XPR1: variants seen among roughly 807,000 people sequenced by gnomAD.
XPR1 encodes the protein solute carrier family 53 member 1.
In XPR1, 28 loss-of-function variants were observed where a neutral mutation model predicts 87.5. The ratio of observed to expected loss-of-function variants is 0.32; its 90% CI spans 0.24 to 0.44. The LOEUF is 0.44. Among genes scored for constraint, XPR1 ranks in the 20% least tolerant of loss-of-function variants. The pLI is 1.00. For missense variants in XPR1, 559 were observed against 862.3 expected (o/e 0.65, Z 4.41); for synonymous variants, 300 against 306.1 (o/e 0.98, Z 0.21).
chr1:180,790,323 A>G (rs1649324452), intron 3 of XPR1, among the ~76,000 whole-genome samples: 1 of 151,988 alleles, frequency 6.6e-6, no homozygotes, highest in South Asian at 2.1e-4. Flanking sequence ...TTCCCTTTAT[A>G]CCAATTCAAT....
chr1:180,744,071 CTAT>C (rs1659004360), intron 2 of XPR1, among the ~76,000 whole-genome samples: 1 of 152,162 alleles, frequency 6.6e-6, no homozygotes, highest in South Asian at 2.1e-4. Context: ...GTACTGCATT[CTAT>C]TTCTTTTCCT....
chr1:180,706,666 CAG>C (rs1657567685), intron 2 of XPR1, among the ~76,000 whole-genome samples: 1 of 151,810 alleles, frequency 6.6e-6, no homozygotes, highest in African/African-American at 2.4e-5. Flanking sequence ...GGCTGGAGTG[CAG>C]TGGCATGATC....
chr1:180,717,516 A>G (rs912159709), intron 2 of XPR1, among the ~76,000 whole-genome samples: 6 of 152,166 alleles, frequency 3.9e-5, no homozygotes, highest in Non-Finnish European at 7.4e-5. Context: ...TTTTCTGAAC[A>G]TGTACCTCAG....
intron 10 of XPR1, 35 bp from the exon 11 acceptor site, chr1:180,836,487 T>C (rs1651298775): frequency 3.1e-6 from 5 of 1,612,118 alleles, no homozygotes; most frequent in Non-Finnish European, 4.2e-6. Flanking sequence ...TTACTTTTTT[T>C]CAATGGTAAT....
chr1:180,659,181 G>A (rs1178034476), intron 1 of XPR1, among the ~76,000 whole-genome samples: 1 of 110,552 alleles, frequency 9.0e-6, no homozygotes, highest in Non-Finnish European at 1.7e-5. Context: ...AGGGATATTG[G>A]CCTGTAGTCA....
At chr1:180,648,278 A>C (rs1013018506) in intron 1 of XPR1, among the ~76,000 whole-genome samples, 8 of 152,152 alleles carry the variant, frequency 5.3e-5, no homozygotes, top group African/African-American at 1.9e-4. Flanking sequence ...GTAGCAGCAG[A>C]GGTTAAGGTT....
intron 11 of XPR1, among the ~76,000 whole-genome samples, chr1:180,840,241 A>G (rs936968061): frequency 2.0e-5 from 3 of 151,236 alleles, no homozygotes; most frequent in Admixed American, 2.0e-4. Flanking sequence ...AAAAAAAAAA[A>G]AAAAAAAAAG....
intron 1 of XPR1, among the ~76,000 whole-genome samples, chr1:180,653,784 C>T (rs1655365397): frequency 6.6e-6 from 1 of 152,106 alleles, no homozygotes; most frequent in Non-Finnish European, 1.5e-5. Flanking sequence ...AATATAAGCA[C>T]TGCAAAAAAA....
At chr1:180,827,682 G>A (rs1650899910) in intron 9 of XPR1, among the ~76,000 whole-genome samples, 1 of 152,072 alleles carries the variant, frequency 6.6e-6, no homozygotes, top group Non-Finnish European at 1.5e-5. Flanking sequence ...AAACAGAACA[G>A]TGTTATCATT....
At chr1:180,711,282 T>C (rs954448130) in intron 2 of XPR1, among the ~76,000 whole-genome samples, 7 of 152,140 alleles carry the variant, frequency 4.6e-5, no homozygotes, top group Non-Finnish European at 1.0e-4. Context: ...GTGGAGGTTG[T>C]AGCCAGCCGA....
intron 11 of XPR1, among the ~76,000 whole-genome samples, chr1:180,843,214 G>A (rs562693595): frequency 3.3e-5 from 5 of 151,992 alleles, no homozygotes; most frequent in Admixed American, 2.6e-4. Flanking sequence ...CCACATTTTA[G>A]TCTTCTTATG....
intron 2 of XPR1, among the ~76,000 whole-genome samples, chr1:180,708,042 A>T (rs1657617471): frequency 6.6e-6 from 1 of 152,226 alleles, no homozygotes; most frequent in East Asian, 1.9e-4. Flanking sequence ...AGCTGAATAG[A>T]CTATTTAGGC....
chr1:180,878,795 CA>C (rs1025295367), intron 13 of XPR1, among the ~76,000 whole-genome samples: 4 of 151,750 alleles, frequency 2.6e-5, no homozygotes, highest in African/African-American at 9.8e-5. Flanking sequence ...TCAGAAACTA[CA>C]GTCTCCTGTC....
intron 2 of XPR1, among the ~76,000 whole-genome samples, chr1:180,717,597 G>T (rs1238362132): frequency 6.6e-6 from 1 of 152,018 alleles, no homozygotes; most frequent in Non-Finnish European, 1.5e-5. Flanking sequence ...TCAGAATCTT[G>T]GGTGTGGATT....
At chr1:180,720,591 C>T (rs192750321) in intron 2 of XPR1, among the ~76,000 whole-genome samples, 1 of 152,132 alleles carries the variant, frequency 6.6e-6, no homozygotes, top group Admixed American at 6.5e-5. Flanking sequence ...ACTAGAGTAG[C>T]GATTTTCAAA....
At chr1:180,669,440 T>C (rs1298576556) in intron 1 of XPR1, among the ~76,000 whole-genome samples, 2 of 152,138 alleles carry the variant, frequency 1.3e-5, no homozygotes, top group Non-Finnish European at 2.9e-5. Flanking sequence ...TGGAGTGCAG[T>C]GGCGCAATCT....
At chr1:180,677,080 C>T (rs758787445) in intron 1 of XPR1, among the ~76,000 whole-genome samples, 8 of 152,142 alleles carry the variant, frequency 5.3e-5, no homozygotes, top group Non-Finnish European at 1.2e-4. Flanking sequence ...GAGTTCAATT[C>T]TGACACTGAC....
At chr1:180,738,901 A>G (rs953511895) in intron 2 of XPR1, among the ~76,000 whole-genome samples, 6 of 152,114 alleles carry the variant, frequency 3.9e-5, no homozygotes, top group Middle Eastern at 3.4e-3. Context: ...ATTAAGTTCA[A>G]TTTATCAGTT....
intron 7 of XPR1, among the ~76,000 whole-genome samples, chr1:180,819,150 C>T (rs989759377): frequency 4.0e-5 from 6 of 151,874 alleles, no homozygotes; most frequent in African/African-American, 1.4e-4. Context: ...GACAGAGTCT[C>T]ACTATATCGC....
Sources: gnomAD v4.1 joint callset for allele counts (sites outside exome capture counted in the v4.1 genomes callset) on GRCh38, gnomAD v4.1.1 for gene constraint, MANE v1.5 for transcripts, NCBI Gene and HGNC (gene_info 2026-07-23, HGNC 2026-07-21) for gene names.